The following ACO1 variants were observed in gnomAD, a reference collection of about 807,000 sequenced individuals.
The protein encoded by ACO1 is aconitase 1.
Under a neutral mutation model 105.1 loss-of-function variants are expected in ACO1, and 78 were observed. The observed-to-expected ratio is 0.74, with a 90% CI of 0.62 to 0.90. The LOEUF is 0.90. Among genes scored for constraint, ACO1 ranks in the 40% least tolerant of loss-of-function variants. The probability of loss-of-function intolerance (pLI) is 0.00; values close to 1 mark genes in which losing one functional copy is unlikely to be tolerated. For synonymous variants in ACO1, 364 were observed against 397.4 expected, an observed-to-expected ratio of 0.92 and a Z score of 1.00; for missense variants, 965 against 1,111.1, an observed-to-expected ratio of 0.87 and a Z score of 1.87.
intron 12 of ACO1, among the ~76,000 whole-genome samples, chr9:32,428,961 A>G (rs1822164406): frequency 6.6e-6 from 1 of 152,244 alleles, no homozygotes; most frequent in Non-Finnish European, 1.5e-5. Context: ...TTTTTCAGCT[A>G]TATACCACAT....
At chr9:32,435,745 G>T (rs1298082690) in intron 17 of ACO1, among the ~76,000 whole-genome samples, 1 of 152,190 alleles carries the variant, frequency 6.6e-6, no homozygotes, top group African/African-American at 2.4e-5. Context: ...TATGTTGCCA[G>T]CTGTGTGTCT....
At position 32,451,828 on chromosome 9, in the gene ACO1, C is replaced by T. The variant is rs942360630; in HGVS notation, c.*1717C>T. The stretch of plus-strand genomic sequence containing the variant: ...CTATAATTCCATCACTTTGGGAGGC[C>T]GAGGTGGGTAGATCACCTGAGGTCA... On this transcript the variant is annotated 3_prime_UTR_variant, in exon 21 of 21. Coordinates refer to ENST00000309951, the MANE Select transcript of ACO1 (RefSeq NM_002197.3). 6 of 152,172 alleles carry T rather than the reference C, an allele frequency of 3.9e-5. No individual in the cohort carries two copies. Among genetic ancestry groups the T allele is most frequent in the South Asian group, 2.1e-4 (1 of 4,812 alleles). The allele number at this position is 152,172 out of a possible 1,614,324, so 9.4% of individuals were successfully genotyped here.
At chr9:32,449,652 G>T (rs1014126722) in intron 20 of ACO1, among the ~76,000 whole-genome samples, 7 of 152,118 alleles carry the variant, frequency 4.6e-5, no homozygotes, top group Non-Finnish European at 1.0e-4. Context: ...GAATACTTCT[G>T]TCCACAGGGA....
At chr9:32,423,241 A>G (rs898654590) in intron 8 of ACO1, 78 bp from the exon 9 acceptor site, 5 of 753,426 alleles carry the variant, frequency 6.6e-6, no homozygotes, top group Middle Eastern at 2.9e-4. Flanking sequence ...CATAATTGCT[A>G]ATGGAAGTAT....
At chr9:32,440,335 G>T (rs1822448941) in intron 18 of ACO1, 130 bp from the exon 19 acceptor site, 1 of 875,578 alleles carries the variant, frequency 1.1e-6, no homozygotes, top group Non-Finnish European at 1.8e-6. Context: ...TTGGGAATTT[G>T]TAGACAAGAT....
intron 1 of ACO1, among the ~76,000 whole-genome samples, chr9:32,386,772 G>T (rs886486888): frequency 1.8e-4 from 28 of 151,464 alleles, no homozygotes; most frequent in African/African-American, 6.3e-4. Flanking sequence ...TTGATGGTGG[G>T]GTCTCATTCC....
At position 32,453,696 on chromosome 9, in the gene ACO1, T is replaced by TAACA. The variant is rs1208505345; in HGVS notation, c.*3586_*3589dup. The TAACA allele has an allele frequency of 1.3e-5, 2 of 152,228 alleles. No homozygotes were observed. The highest frequency in any genetic ancestry group is 4.8e-5 in the African/African-American group (2 of 41,462). 9.4% of individuals were successfully genotyped at this position (152,228 alleles called of 1,614,324 possible). ...TTTAGCAGTTTCCCTTTCAGGGCTC[T>TAACA]AACAGGACTGTGGAGTAATGTACGG... is the stretch of plus-strand genomic sequence containing the variant. On this transcript the variant is annotated 3_prime_UTR_variant, in exon 21 of 21. Transcript: ENST00000309951.
intron 1 of ACO1, 55 bp downstream of exon 1, chr9:32,384,790 G>C (rs893812838): frequency 5.3e-5 from 18 of 338,056 alleles, no homozygotes; most frequent in African/African-American, 3.4e-4. Flanking sequence ...CGTCCACCCT[G>C]TATCCCTCGA....
In ACO1 at chr9:32,432,924, G is replaced by A. The variant is rs183668804; in HGVS notation, c.1852-804G>A. ...GGAGGGTCCACTTAGGCTCACTCATGTGGCTATTGGCAGGATCAAGTTCCT... is the reference window on the plus strand; with the variant it reads ...GGAGGGTCCACTTAGGCTCACTCATATGGCTATTGGCAGGATCAAGTTCCT... On this transcript the variant is annotated intron_variant, in intron 15 of 20. Coordinates refer to ENST00000309951, the MANE Select transcript of ACO1 (RefSeq NM_002197.3). Among the ~76,000 whole-genome samples the A allele has an allele frequency of 2.0e-5, 3 of 152,260 alleles. No homozygotes were observed. In the East Asian group the frequency reaches 5.8e-4, roughly 29 times the overall value.
chr9:32,386,667 G>C (rs1432799696), intron 1 of ACO1, among the ~76,000 whole-genome samples: 1 of 152,210 alleles, frequency 6.6e-6, no homozygotes, highest in Non-Finnish European at 1.5e-5. Context: ...GTGTTGCACA[G>C]TCCACAGGTG....
chr9:32,436,947 T>G (rs150941433), intron 18 of ACO1, among the ~76,000 whole-genome samples: 1 of 152,258 alleles, frequency 6.6e-6, no homozygotes, highest in Non-Finnish European at 1.5e-5. Flanking sequence ...ACTACTTACC[T>G]TGGAAGAACG....
chr9:32,437,707 G>T (rs1163731339), intron 18 of ACO1, among the ~76,000 whole-genome samples: 1 of 152,080 alleles, frequency 6.6e-6, no homozygotes, highest in Non-Finnish European at 1.5e-5. Flanking sequence ...GGGTGATGGG[G>T]AGTGCAAAAA....
At chr9:32,433,035 A>G (rs750601586) in intron 15 of ACO1, among the ~76,000 whole-genome samples, 3 of 152,124 alleles carry the variant, frequency 2.0e-5, no homozygotes, top group Admixed American at 6.5e-5. Flanking sequence ...GGGTCTCTTC[A>G]TGACTCACAC....
At chr9:32,436,495 T>A (rs1030421197) in intron 18 of ACO1, 98 bp downstream of exon 18, 5 of 1,408,612 alleles carry the variant, frequency 3.5e-6, no homozygotes, top group Non-Finnish European at 4.9e-6. Flanking sequence ...TTAGTTTTTC[T>A]TCACAGCTCC....
At chr9:32,427,502 G>C in intron 12 of ACO1, 66 bp downstream of exon 12, 1 of 1,595,320 alleles carries the variant, frequency 6.3e-7, no homozygotes. Flanking sequence ...ATCTTGCTGT[G>C]TCACCTTGTA....
intron 19 of ACO1, among the ~76,000 whole-genome samples, chr9:32,442,211 A>C (rs1038245263): frequency 6.6e-6 from 1 of 152,086 alleles, no homozygotes. Context: ...TCTGGTATGC[A>C]GCAGTGGTTG....
intron 15 of ACO1, 148 bp downstream of exon 15, chr9:32,431,991 C>T (rs1822249814): frequency 6.2e-6 from 6 of 961,230 alleles, no homozygotes; most frequent in Middle Eastern, 7.0e-4. Flanking sequence ...GGTGGTTCTC[C>T]GTCATTTTTC....
chr9:32,431,153 A>G (rs1471478693), intron 14 of ACO1, among the ~76,000 whole-genome samples: 1 of 152,246 alleles, frequency 6.6e-6, no homozygotes, highest in Admixed American at 6.5e-5. Context: ...CAGTATTTGT[A>G]GTATGTTCAC....
At chr9:32,424,287 G>GCACC (rs1224744812) in intron 9 of ACO1, among the ~76,000 whole-genome samples, 1 of 152,214 alleles carries the variant, frequency 6.6e-6, no homozygotes, top group African/African-American at 2.4e-5. Context: ...AGCATCTGCA[G>GCACC]CACCCACCCT....
Sources: gnomAD v4.1 joint callset for allele counts (sites outside exome capture counted in the v4.1 genomes callset) on GRCh38, gnomAD v4.1.1 for gene constraint, MANE v1.5 for transcripts, NCBI Gene and HGNC (gene_info 2026-07-23, HGNC 2026-07-21) for gene names.